Variants in SAFB observed in about 807,000 individuals in gnomAD.
The protein encoded by SAFB is scaffold attachment factor B, also known as scaffold attachment factor B1.
SAFB carries 15 observed loss-of-function variants against 101.6 expected under a neutral mutation model. The observed-to-expected ratio is 0.15, with a 90% CI of 0.10 to 0.23. The LOEUF is 0.23. Among genes scored for constraint, SAFB ranks in the 10% least tolerant of loss-of-function variants. The pLI is 1.00. For missense variants in SAFB, 930 were observed against 1,104.1 expected (o/e 0.84, Z 2.23); for synonymous variants, 449 against 407.5 (o/e 1.10, Z -1.23).
intron 11 of SAFB, among the ~76,000 whole-genome samples, chr19:5,653,786 T>A (rs2053993259): frequency 6.6e-6 from 1 of 152,002 alleles, no homozygotes; most frequent in African/African-American, 2.4e-5. Context: ...TTAAACAGAA[T>A]CTCACTCTGT....
At chr19:5,658,567 C>T (rs1458258765) in intron 14 of SAFB, among the ~76,000 whole-genome samples, 1 of 152,084 alleles carries the variant, frequency 6.6e-6, no homozygotes, top group African/African-American at 2.4e-5. Context: ...AGGCCAGGCG[C>T]GGTGGCTCAA....
At chr19:5,656,123 C>T (rs1297006932) in intron 13 of SAFB, among the ~76,000 whole-genome samples, 1 of 152,090 alleles carries the variant, frequency 6.6e-6, no homozygotes, top group Non-Finnish European at 1.5e-5. Context: ...TTGGATTAAA[C>T]AGCTCATCTG....
intron 7 of SAFB, 194 bp from the exon 8 acceptor site, chr19:5,649,732 C>T: frequency 1.2e-6 from 1 of 817,822 alleles, no homozygotes; most frequent in Middle Eastern, 2.6e-4. Flanking sequence ...TACCTTTAGC[C>T]CAGCAGAATT....
chr19:5,623,497 G>T lies in SAFB; in HGVS notation c.189+103G>T, dbSNP rs1257728631. 5.1e-6 allele frequency: 5 copies of T among 984,486 alleles called. No homozygotes were observed. In the African/African-American group the frequency reaches 6.9e-5, roughly 14 times the overall value. 61.0% of individuals were successfully genotyped at this position (984,486 alleles called of 1,614,324 possible). ...GCGTCCGCCCCCGGCCGCGTTCGCGGCCTCGCCGGACCTGGCGCTCTCGCG... is the reference window on the plus strand; with the variant it reads ...GCGTCCGCCCCCGGCCGCGTTCGCGTCCTCGCCGGACCTGGCGCTCTCGCG... On this transcript the variant is annotated intron_variant, in intron 1 of 20. Coordinates refer to ENST00000588852, the MANE Select transcript of SAFB (RefSeq NM_001201338.2).
At chr19:5,658,471 T>A (rs1843367957) in intron 14 of SAFB, among the ~76,000 whole-genome samples, 1 of 152,180 alleles carries the variant, frequency 6.6e-6, no homozygotes, top group Admixed American at 6.5e-5. Flanking sequence ...GGCTGGTGGA[T>A]CACCTGAGGT....
Position 5,660,342 on chromosome 19 carries a change from CTTTTTTTTTTTTT to C in SAFB, c.1863-1161_1863-1149del, listed in dbSNP as rs11360129. ...TTTTTAAGTAGCTCCCTGCACACAC[CTTTTTTTTTTTTT>C]TTTTTTTTTTTTTTGGAGACAGGGT... On this transcript the variant is annotated intron_variant, in intron 14 of 20. Coordinates refer to ENST00000588852, the MANE Select transcript of SAFB (RefSeq NM_001201338.2). 2.6e-4 allele frequency among the ~76,000 whole-genome samples: 13 copies of C among 50,906 alleles called. No individual in the cohort carries two copies. The South Asian group carries it at 7.6e-3, about 30-fold the overall frequency. The allele number at this position is 50,906 out of a possible 152,430, so 33.4% of individuals were successfully genotyped here. A position where few individuals can be genotyped will look rare whatever the true frequency, so the allele number is the denominator to read the frequency against.
intron 2 of SAFB, among the ~76,000 whole-genome samples, chr19:5,631,338 A>G (rs2053486127): frequency 6.6e-6 from 1 of 152,360 alleles, no homozygotes; most frequent in East Asian, 1.9e-4. Flanking sequence ...CTTCATGTAA[A>G]ATGGAGCCAT....
rs1052434564 is a variant in SAFB at position 5,648,089 on chromosome 19, T to C, written c.637+46T>C. 5 of 1,490,980 alleles carry C rather than the reference T, an allele frequency of 3.4e-6. No homozygotes were observed. In the African/African-American group the frequency reaches 5.6e-5, roughly 17 times the overall value. The allele number at this position is 1,490,980 out of a possible 1,614,324, so 92.4% of individuals were successfully genotyped here. On this transcript the variant is annotated intron_variant, in intron 6 of 20. Coordinates refer to ENST00000588852, the MANE Select transcript of SAFB (RefSeq NM_001201338.2). ...TACCAGCGGGGGTTTGGAACCATTC[T>C]AGTTTTCCACCTTCTCTAATTTGAA...
intron 8 of SAFB, 57 bp downstream of exon 8, chr19:5,650,032 G>C: frequency 7.3e-7 from 1 of 1,377,370 alleles, no homozygotes; most frequent in South Asian, 1.2e-5. Flanking sequence ...GGCAGTGGCG[G>C]GTATTTGATT....
chr19:5,668,433 GTTTTT>G lies in SAFB; in HGVS notation c.*150_*154del. The G allele has an allele frequency of 1.5e-6, 1 of 668,220 alleles. No homozygotes were observed. Among genetic ancestry groups the G allele is most frequent in the Non-Finnish European group, 2.2e-6 (1 of 452,344 alleles). 41.4% of individuals were successfully genotyped at this position (668,220 alleles called of 1,614,324 possible). ...ATGTGAATTTGTTTTTCGTTTTGGG[GTTTTT>G]TTTTTTTGTAATAAATGTGTTTCCG... On this transcript the variant is annotated 3_prime_UTR_variant, in exon 21 of 21. Transcript: ENST00000588852.
Position 5,667,966 on chromosome 19 carries a change from C to G in SAFB, c.2624+80C>G. ...TTGCTGGAGGCTTAACAACCAAGTC[C>G]TTCCAGCTAGTGCCCCTCCCCCCAA... On this transcript the variant is annotated intron_variant, in intron 20 of 20. Coordinates refer to ENST00000588852, the MANE Select transcript of SAFB (RefSeq NM_001201338.2). This position sits in a 1 kb window ranked among gnomAD's most constrained non-coding sequence, Gnocchi z 4.0. The G allele has an allele frequency of 6.8e-7, 1 of 1,476,820 alleles. No individual in the cohort carries two copies. Among genetic ancestry groups the G allele is most frequent in the Non-Finnish European group, 9.2e-7 (1 of 1,089,830 alleles). The allele number at this position is 1,476,820 out of a possible 1,614,324, so 91.5% of individuals were successfully genotyped here. A position where few individuals can be genotyped will look rare whatever the true frequency, so the allele number is the denominator to read the frequency against.
At chr19:5,643,647 A>G (rs1444283900) in intron 4 of SAFB, among the ~76,000 whole-genome samples, 1 of 152,190 alleles carries the variant, frequency 6.6e-6, no homozygotes, top group Admixed American at 6.5e-5. Flanking sequence ...TTCTGCAACA[A>G]AAGCTGGAAA....
chr19:5,637,553 G>T (rs895621429), intron 2 of SAFB, among the ~76,000 whole-genome samples: 4 of 151,998 alleles, frequency 2.6e-5, no homozygotes, highest in African/African-American at 9.7e-5. Flanking sequence ...CTACTCGGGA[G>T]ACTGAGGTGG....
rs187557909 is a variant in SAFB, at chr19:5,627,925, A to G, written c.274+1436A>G. ...ATCTTTCTTTCCCCTTCAATGGTTT[A>G]ACTTGGTAACACTCAACTATTGGCT... is the stretch of plus-strand genomic sequence containing the variant. On this transcript the variant is annotated intron_variant, in intron 2 of 20. Coordinates refer to ENST00000588852, the MANE Select transcript of SAFB (RefSeq NM_001201338.2). 1.2e-4 allele frequency among the ~76,000 whole-genome samples: 18 copies of G among 152,270 alleles called. 2 individuals carry two copies. Among genetic ancestry groups the G allele is most frequent in the Admixed American group, 1.2e-3 (18 of 15,306 alleles).
rs60011056 is a variant in SAFB at position 5,660,704 on chromosome 19, CAAAAAAAAAAA to C, written c.1863-800_1863-790del. The stretch of plus-strand genomic sequence containing the variant: ...GAACAGCCTGGGCAACCATCTCTAC[CAAAAAAAAAAA>C]AAAAAAAAAAAAAGACAGCCTGGCT... On this transcript the variant is annotated intron_variant, in intron 14 of 20. Coordinates refer to ENST00000588852, the MANE Select transcript of SAFB (RefSeq NM_001201338.2). Among the ~76,000 whole-genome samples, 31 of 76,592 alleles carry C rather than the reference CAAAAAAAAAAA, an allele frequency of 4.0e-4. No individual in the cohort carries two copies. The South Asian group carries it at 0.013, about 31-fold the overall frequency. 50.2% of individuals were successfully genotyped at this position (76,592 alleles called of 152,430 possible).
In SAFB at chr19:5,661,746, G is replaced by T; in HGVS notation, c.2091G>T (p.Gln697His). 6 of 1,587,090 alleles carry T rather than the reference G, an allele frequency of 3.8e-6. No individual in the cohort carries two copies. The highest frequency in any genetic ancestry group is 5.1e-6 in the Non-Finnish European group (6 of 1,168,946). Residue 697 changes from glutamine to histidine, a missense_variant, in exon 15 of 21, where the codon CAG becomes CAT. Physicochemically the swap from Gln to His is conservative, Grantham distance 24. Coordinates refer to ENST00000588852, the MANE Select transcript of SAFB (RefSeq NM_001201338.2). ...IHREREELRR[Q>H]QELRYEQERR... ...GTGAGCGCGAGGAGCTGAGGCGCCA[G>T]CAGGAACTGCGCTATGAGCAGGAGC...
intron 2 of SAFB, among the ~76,000 whole-genome samples, chr19:5,639,511 G>C (rs1387977807): frequency 6.6e-6 from 1 of 151,940 alleles, no homozygotes; most frequent in Non-Finnish European, 1.5e-5. Flanking sequence ...TGGCCAACAT[G>C]GTGAAACCCC....
chr19:5,654,593 A>G (rs1052934774), intron 13 of SAFB, 137 bp downstream of exon 13: 4 of 669,470 alleles, frequency 6.0e-6, no homozygotes, highest in East Asian at 5.3e-5. Context: ...ATCTCAAACT[A>G]TTTTTTTTGA....
At chr19:5,659,571 C>T (rs901631474) in intron 14 of SAFB, among the ~76,000 whole-genome samples, 28 of 151,802 alleles carry the variant, frequency 1.8e-4, no homozygotes, top group African/African-American at 3.1e-4. Flanking sequence ...TTAGTAGAGA[C>T]GGGGTTTCAC....
Sources: allele counts gnomAD v4.1 joint callset (sites outside exome capture counted in the v4.1 genomes callset), GRCh38; gene constraint gnomAD v4.1.1; non-coding constraint Gnocchi (gnomAD v3.1); transcripts MANE v1.5; gene names NCBI Gene and HGNC (gene_info 2026-07-23, HGNC 2026-07-21).